The following WDFY4 variants were observed in gnomAD, a reference collection of about 807,000 sequenced individuals.
WDFY4 encodes the protein WD repeat- and FYVE domain-containing protein 4.
Under a neutral mutation model 351.9 loss-of-function variants are expected in WDFY4, and 169 were observed. That is an observed-to-expected ratio of 0.48 (90% confidence interval 0.42 to 0.55). The LOEUF (loss-of-function observed/expected upper bound fraction) is 0.55, where lower values mean the gene tolerates loss of function less well. Among genes scored for constraint, WDFY4 ranks in the 20% least tolerant of loss-of-function variants. The probability of loss-of-function intolerance (pLI) is 0.00; values close to 1 mark genes in which losing one functional copy is unlikely to be tolerated. For synonymous variants in WDFY4, 1,622 were observed against 1,574.6 expected (o/e 1.03, Z -0.71); for missense variants, 3,803 against 3,935.6 (o/e 0.97, Z 0.90).
At chr10:48,866,143 C>CT (rs1187607707) in intron 39 of WDFY4, among the ~76,000 whole-genome samples, 1 of 151,956 alleles carries the variant, frequency 6.6e-6, no homozygotes, top group African/African-American at 2.4e-5. Context: ...TTAGTTTGCT[C>CT]TTTTTTCCCC....
rs114759759 is a variant in WDFY4, at chr10:48,975,132, C to T, written c.9108+91C>T. Reference sequence around the variant, plus strand: ...GAGAAAGCCCAGAGACACAGAGACTCTAGCCACCCCAGAATGCTGAGAGGG... The same window carrying T: ...GAGAAAGCCCAGAGACACAGAGACTTTAGCCACCCCAGAATGCTGAGAGGG... On this transcript the variant is annotated intron_variant, in intron 58 of 61. Coordinates refer to ENST00000325239, the MANE Select transcript of WDFY4 (RefSeq NM_001394531.1). 5,402 of 1,515,826 alleles carry T rather than the reference C, an allele frequency of 3.6e-3. 179 individuals are homozygous for T. In the African/African-American group the frequency reaches 0.064, roughly 18 times the overall value. The allele number at this position is 1,515,826 out of a possible 1,614,324, so 93.9% of individuals were successfully genotyped here. A position where few individuals can be genotyped will look rare whatever the true frequency, so the allele number is the denominator to read the frequency against.
At chr10:48,901,893 A>G in intron 47 of WDFY4, 30 bp downstream of exon 47, 1 of 1,544,636 alleles carries the variant, frequency 6.5e-7, no homozygotes, top group Non-Finnish European at 8.8e-7. Flanking sequence ...CTGTCTGGGC[A>G]TGGCACTGCC....
intron 40 of WDFY4, among the ~76,000 whole-genome samples, chr10:48,871,609 G>C (rs1372546298): frequency 6.6e-6 from 1 of 152,006 alleles, no homozygotes; most frequent in Non-Finnish European, 1.5e-5. Context: ...CCAAATAGCT[G>C]AGAGTACAGT....
chr10:48,769,808 C>G (rs1404924564), intron 13 of WDFY4, among the ~76,000 whole-genome samples: 1 of 151,834 alleles, frequency 6.6e-6, no homozygotes, highest in Non-Finnish European at 1.5e-5. Context: ...TGAACATCCA[C>G]AGACAGACAG....
intron 58 of WDFY4, 124 bp downstream of exon 58, chr10:48,975,165 T>C (rs1253759527): frequency 2.3e-6 from 3 of 1,301,906 alleles, no homozygotes; most frequent in East Asian, 2.5e-5. Flanking sequence ...GGGCCCCCAA[T>C]TGTGTGGAAC....
chr10:48,823,410 C>G, intron 35 of WDFY4: 1 of 1,205,838 alleles, frequency 8.3e-7, no homozygotes, highest in Non-Finnish European at 1.0e-6. Flanking sequence ...GGACCACTCT[C>G]CTTCCTCTTC....
At chr10:48,900,167 G>A (rs547328381) in intron 45 of WDFY4, 54 bp from the exon 46 acceptor site, 5 of 1,486,936 alleles carry the variant, frequency 3.4e-6, no homozygotes, top group South Asian at 1.2e-5. Flanking sequence ...GTCACCCTGG[G>A]GCGTCTCTAG....
intron 47 of WDFY4, chr10:48,913,962 A>T: frequency 6.2e-7 from 1 of 1,614,128 alleles, no homozygotes; most frequent in African/African-American, 1.3e-5. Context: ...GGAGTCAGGG[A>T]TCTTCCTGAT....
chr10:48,949,851 G>A (rs1687594948), intron 51 of WDFY4, among the ~76,000 whole-genome samples: 1 of 152,174 alleles, frequency 6.6e-6, no homozygotes, highest in Admixed American at 6.5e-5. Flanking sequence ...ACTTTGCTCA[G>A]ATCGCTTTCT....
intron 12 of WDFY4, among the ~76,000 whole-genome samples, chr10:48,757,651 C>CT (rs1319473561): frequency 1.3e-5 from 2 of 151,202 alleles, no homozygotes; most frequent in African/African-American, 4.9e-5. Flanking sequence ...TTTTTTTACT[C>CT]TTTTTTTGTT....
intron 44 of WDFY4, among the ~76,000 whole-genome samples, chr10:48,895,590 T>G (rs1266037406): frequency 6.6e-6 from 1 of 152,242 alleles, no homozygotes; most frequent in Non-Finnish European, 1.5e-5. Flanking sequence ...TGTTCAGAAA[T>G]GTAACTGTCT....
At chr10:48,856,865 T>C (rs2069152045) in intron 39 of WDFY4, among the ~76,000 whole-genome samples, 1 of 152,200 alleles carries the variant, frequency 6.6e-6, no homozygotes, top group Non-Finnish European at 1.5e-5. Context: ...AACACCACTC[T>C]TACCAGAAAA....
At position 48,725,946 on chromosome 10, in the gene WDFY4, G is replaced by C; in HGVS notation, c.657G>C (p.Gln219His). The C allele has an allele frequency of 6.4e-7, 1 of 1,551,738 alleles. No homozygotes were observed. The highest frequency in any genetic ancestry group is 8.7e-7 in the Non-Finnish European group (1 of 1,146,988). The change falls in exon 6 of 62, where the codon CAG becomes CAC. Residue 219 changes from glutamine to histidine, a missense_variant. Physicochemically the swap from Gln to His is conservative, Grantham distance 24. Coordinates refer to ENST00000325239, the MANE Select transcript of WDFY4 (RefSeq NM_001394531.1). ...LEGLLSGSEL[Q>H]SLLIATTCLR... The stretch of plus-strand genomic sequence containing the variant: ...GACTCCTCTCAGGAAGTGAGCTGCA[G>C]TCTCTGCTGATTGCCACGACCTGCC...
At chr10:48,921,244 A>G (rs1839047720) in intron 47 of WDFY4, among the ~76,000 whole-genome samples, 1 of 152,222 alleles carries the variant, frequency 6.6e-6, no homozygotes. Flanking sequence ...AGCATGTGGT[A>G]TTATTGGTGA....
intron 2 of WDFY4, among the ~76,000 whole-genome samples, chr10:48,718,367 T>A (rs948637765): frequency 1.7e-4 from 26 of 152,206 alleles, no homozygotes; most frequent in African/African-American, 5.5e-4. Context: ...GGCTTTTATG[T>A]TTTAACAAGC....
intron 27 of WDFY4, among the ~76,000 whole-genome samples, chr10:48,806,636 G>T (rs1171835494): frequency 6.6e-6 from 1 of 152,196 alleles, no homozygotes; most frequent in African/African-American, 2.4e-5. Context: ...TTGTTTATGT[G>T]AGTCTCCCTT....
chr10:48,825,691 T>C (rs965330984), intron 35 of WDFY4, among the ~76,000 whole-genome samples: 2 of 151,720 alleles, frequency 1.3e-5, no homozygotes, highest in African/African-American at 2.4e-5. Context: ...TTGATTTGTA[T>C]TTCTTGAATG....
chr10:48,892,403 C>T (rs1160648499), intron 44 of WDFY4, among the ~76,000 whole-genome samples: 1 of 152,180 alleles, frequency 6.6e-6, no homozygotes, highest in East Asian at 1.9e-4. Context: ...TGAAAATGTA[C>T]TTCTCTAGAA....
chr10:48,820,269 T>C lies in WDFY4; in HGVS notation c.5541T>C (p.Ser1847=), dbSNP rs1185306749. ...CTGAGTCCACCCGGAACACCAGCAG[T>C]CCTGAGGCCGCAGCTGAAGGCGACA... The part of the protein sequence containing the change: ...VGAESTRNTS[S]PEAAAEGDST... The change falls in exon 33 of 62, where the codon AGT becomes AGC. Residue 1847 remains serine, a synonymous_variant. Coordinates refer to ENST00000325239, the MANE Select transcript of WDFY4 (RefSeq NM_001394531.1). 6.4e-7 allele frequency: 1 copy of C among 1,551,644 alleles called. No homozygotes were observed. Among genetic ancestry groups the C allele is most frequent in the East Asian group, 2.4e-5 (1 of 40,918 alleles).
Sources: gnomAD v4.1 joint callset for allele counts (sites outside exome capture counted in the v4.1 genomes callset) on GRCh38, gnomAD v4.1.1 for gene constraint, MANE v1.5 for transcripts, NCBI Gene and HGNC (gene_info 2026-07-23, HGNC 2026-07-21) for gene names.